CYYR1: variants seen among roughly 807,000 people sequenced by gnomAD.
CYYR1 encodes the protein cysteine and tyrosine rich 1.
CYYR1 carries 14 observed loss-of-function variants against 15.2 expected under a neutral mutation model. That is an observed-to-expected ratio of 0.92 (90% CI 0.61 to 1.44). The LOEUF (loss-of-function observed/expected upper bound fraction) is 1.44, where lower values mean the gene tolerates loss of function less well. Ranked by LOEUF, CYYR1 falls within the 40% of genes most tolerant of loss-of-function variation. The pLI is 0.00. For synonymous variants in CYYR1, 80 were observed against 77.4 expected (o/e 1.03, Z -0.18); for missense variants, 228 against 209.5 (o/e 1.09, Z -0.54).
intron 2 of CYYR1, among the ~76,000 whole-genome samples, chr21:26,528,711 A>T (rs2065895403): frequency 6.6e-6 from 1 of 152,176 alleles, no homozygotes; most frequent in South Asian, 2.1e-4. Context: ...AAATGAGGGG[A>T]AAAGGGAAAG....
At chr21:26,527,358 G>T (rs541040862) in intron 2 of CYYR1, among the ~76,000 whole-genome samples, 2 of 152,164 alleles carry the variant, frequency 1.3e-5, no homozygotes, top group African/African-American at 4.8e-5. Context: ...GGGTAAAATT[G>T]ATACCTTTTA....
chr21:26,542,376 T>G (rs937527076), intron 2 of CYYR1, among the ~76,000 whole-genome samples: 27 of 150,712 alleles, frequency 1.8e-4, no homozygotes, highest in African/African-American at 6.1e-4. Context: ...TTTTGAAAAT[T>G]TATCAATATA....
intron 1 of CYYR1, among the ~76,000 whole-genome samples, chr21:26,572,079 G>A (rs1026980529): frequency 1.3e-5 from 2 of 152,192 alleles, no homozygotes; most frequent in Non-Finnish European, 2.9e-5. Context: ...GGGTGAGCCT[G>A]CGATTTTTGT....
chr21:26,532,718 C>G (rs1275490639), intron 2 of CYYR1, among the ~76,000 whole-genome samples: 3 of 152,068 alleles, frequency 2.0e-5, no homozygotes, highest in Non-Finnish European at 4.4e-5. Context: ...CAACTAAGTA[C>G]TTATGTACGA....
At chr21:26,556,253 C>G (rs1979768577) in intron 2 of CYYR1, among the ~76,000 whole-genome samples, 1 of 152,056 alleles carries the variant, frequency 6.6e-6, no homozygotes, top group Non-Finnish European at 1.5e-5. Flanking sequence ...AGTTTAGAAC[C>G]CACAAAATGT....
chr21:26,507,458 A>C (rs949181443), intron 2 of CYYR1, among the ~76,000 whole-genome samples: 19 of 152,224 alleles, frequency 1.2e-4, no homozygotes, highest in African/African-American at 4.6e-4. Context: ...CTTTAATGCA[A>C]TCTATCTTTA....
intron 2 of CYYR1, among the ~76,000 whole-genome samples, chr21:26,542,307 G>GTGTC (rs1188132752): frequency 6.6e-6 from 1 of 151,534 alleles, no homozygotes; most frequent in East Asian, 1.9e-4. Flanking sequence ...GTGTGTGTGT[G>GTGTC]TGTGTGTGTG....
intron 2 of CYYR1, chr21:26,482,093 A>T (rs1054244955): frequency 5.5e-6 from 1 of 181,294 alleles, no homozygotes; most frequent in Admixed American, 6.6e-5. Flanking sequence ...TTGTTTTTAC[A>T]CATTATTTAT....
At chr21:26,557,012 T>C (rs1979837582) in intron 2 of CYYR1, among the ~76,000 whole-genome samples, 1 of 152,028 alleles carries the variant, frequency 6.6e-6, no homozygotes, top group South Asian at 2.1e-4. Context: ...CAGTGAGGAG[T>C]AGCAGAAACA....
chr21:26,478,744 G>A (rs1444111312), intron 3 of CYYR1, among the ~76,000 whole-genome samples: 1 of 152,122 alleles, frequency 6.6e-6, no homozygotes, highest in Non-Finnish European at 1.5e-5. Flanking sequence ...TAGAGTAAAG[G>A]AAGTGAGAGC....
chr21:26,473,464 T>C (rs372672734), intron 3 of CYYR1, among the ~76,000 whole-genome samples: 1 of 152,166 alleles, frequency 6.6e-6, no homozygotes, highest in African/African-American at 2.4e-5. Flanking sequence ...CCATCAAGCC[T>C]CACATCCCTC....
At chr21:26,478,072 T>C (rs1202140498) in intron 3 of CYYR1, 1 of 1,549,464 alleles carries the variant, frequency 6.5e-7, no homozygotes, top group Non-Finnish European at 8.7e-7. Flanking sequence ...GGCCTGGTCT[T>C]ACATGCTTGG....
chr21:26,507,110 T>C (rs1311387671), intron 2 of CYYR1, among the ~76,000 whole-genome samples: 1 of 152,218 alleles, frequency 6.6e-6, no homozygotes, highest in Non-Finnish European at 1.5e-5. Context: ...CATTTTATTT[T>C]CGACTTTAAA....
intron 2 of CYYR1, among the ~76,000 whole-genome samples, chr21:26,486,895 T>A (rs1202944506): frequency 2.0e-5 from 3 of 152,046 alleles, no homozygotes; most frequent in Admixed American, 2.0e-4. Context: ...ATAGCAGATA[T>A]GAAAAGTACG....
intron 2 of CYYR1, among the ~76,000 whole-genome samples, chr21:26,559,303 AG>A (rs1329006283): frequency 6.6e-6 from 1 of 152,156 alleles, no homozygotes; most frequent in Non-Finnish European, 1.5e-5. Context: ...TATCCTATTC[AG>A]GCATTGCGGA....
At chr21:26,471,878 A>C (rs189222293) in intron 3 of CYYR1, among the ~76,000 whole-genome samples, 1 of 152,290 alleles carries the variant, frequency 6.6e-6, no homozygotes, top group African/African-American at 2.4e-5. Flanking sequence ...ATTTATCCTC[A>C]ACATCTGATA....
intron 2 of CYYR1, chr21:26,482,376 A>G: frequency 1.0e-6 from 1 of 985,298 alleles, no homozygotes; most frequent in African/African-American, 1.7e-5. Context: ...TAGCTTTTTC[A>G]TACTCAAACA....
intron 1 of CYYR1, among the ~76,000 whole-genome samples, chr21:26,572,487 T>A (rs73898269): frequency 0.012 from 1,816 of 152,256 alleles, 30 homozygotes; most frequent in African/African-American, 0.041. Context: ...GTTTTTTTTA[T>A]TCACAAGAGG....
chr21:26,563,173 A>G (rs1448553634), intron 2 of CYYR1, among the ~76,000 whole-genome samples: 1 of 152,198 alleles, frequency 6.6e-6, no homozygotes, highest in Non-Finnish European at 1.5e-5. Flanking sequence ...AAAGTTTTTC[A>G]TAAGACAGAA....
Sources: gnomAD v4.1 joint callset for allele counts (sites outside exome capture counted in the v4.1 genomes callset) on GRCh38, gnomAD v4.1.1 for gene constraint, MANE v1.5 for transcripts, NCBI Gene and HGNC (gene_info 2026-07-23, HGNC 2026-07-21) for gene names.